The following IMPA2 variants were observed in gnomAD, a reference collection of about 807,000 sequenced individuals.
IMPA2 encodes the protein inositol monophosphatase 2.
IMPA2 carries 32 observed loss-of-function variants against 35.1 expected under a neutral mutation model. The observed-to-expected ratio is 0.91, with a 90% CI of 0.69 to 1.23. The LOEUF (loss-of-function observed/expected upper bound fraction) is 1.23. IMPA2 is among the 50% of genes most tolerant of loss of function. The probability of loss-of-function intolerance (pLI) is 0.00; values close to 1 mark genes in which losing one functional copy is unlikely to be tolerated. For synonymous variants in IMPA2, 135 were observed against 160.6 expected (o/e 0.84, Z 1.20); for missense variants, 334 against 387.6 (o/e 0.86, Z 1.16).
rs1271423239 is a variant in IMPA2 at position 11,991,945 on chromosome 18, G to A, written c.97-7109G>A. ...CGCAACCTCCACCTCCTGGGCTCACGCGTTTCTCCTACCTCAGCCCCCTGA... is the reference window on the plus strand; with the variant it reads ...CGCAACCTCCACCTCCTGGGCTCACACGTTTCTCCTACCTCAGCCCCCTGA... On this transcript the variant is annotated intron_variant, in intron 1 of 7. Transcript: ENST00000269159. The surrounding 1 kb of genome is among the most constrained non-coding windows in gnomAD (Gnocchi z 4.1). 6.6e-6 allele frequency among the ~76,000 whole-genome samples: 1 copy of A among 151,760 alleles called. No individual in the cohort carries two copies. Among genetic ancestry groups the A allele is most frequent in the Non-Finnish European group, 1.5e-5 (1 of 67,988 alleles).
At chr18:12,011,508 T>C (rs1186358840) in intron 3 of IMPA2, among the ~76,000 whole-genome samples, 4 of 152,232 alleles carry the variant, frequency 2.6e-5, no homozygotes, top group Non-Finnish European at 5.9e-5. Context: ...GTTGCATTTG[T>C]GTACAATTGG....
In IMPA2 at chr18:11,991,752, G is replaced by T. The variant is rs531428753; in HGVS notation, c.97-7302G>T. Among the ~76,000 whole-genome samples the T allele has an allele frequency of 5.5e-4, 84 of 152,250 alleles. No homozygotes were observed. Among genetic ancestry groups the T allele is most frequent in the African/African-American group, 2.0e-3 (83 of 41,550 alleles). Reference sequence around the variant, plus strand: ...GGGTCAGCCTTTTCATTCTGTTTGGGCCCTCAGCTGTTGGACAAGGCCTGC... The same window carrying T: ...GGGTCAGCCTTTTCATTCTGTTTGGTCCCTCAGCTGTTGGACAAGGCCTGC... On this transcript the variant is annotated intron_variant, in intron 1 of 7. Coordinates refer to ENST00000269159, the MANE Select transcript of IMPA2 (RefSeq NM_014214.3). The surrounding 1 kb of genome is among the most constrained non-coding windows in gnomAD (Gnocchi z 4.1).
chr18:12,010,591 C>T lies in IMPA2; in HGVS notation c.335+604C>T, dbSNP rs564643091. Reference sequence around the variant, plus strand: ...GTGATGGTGCTGCGCTGCCTGTCTACACGCACAGGTGGCTGGGGGCCTGGG... The same window carrying T: ...GTGATGGTGCTGCGCTGCCTGTCTATACGCACAGGTGGCTGGGGGCCTGGG... On this transcript the variant is annotated intron_variant, in intron 3 of 7. Transcript: ENST00000269159. The surrounding 1 kb of genome is among the most constrained non-coding windows in gnomAD (Gnocchi z 4.8). 5.7e-4 allele frequency among the ~76,000 whole-genome samples: 87 copies of T among 152,336 alleles called. No homozygotes were observed. Among genetic ancestry groups the T allele is most frequent in the African/African-American group, 2.0e-3 (84 of 41,582 alleles).
intron 1 of IMPA2, among the ~76,000 whole-genome samples, chr18:11,997,552 T>G (rs113967905): frequency 7.9e-5 from 12 of 152,248 alleles, no homozygotes; most frequent in African/African-American, 2.9e-4. Flanking sequence ...AGCTCTGGGA[T>G]GTAGGCAGTG....
intron 7 of IMPA2, among the ~76,000 whole-genome samples, 169 bp downstream of exon 7, chr18:12,029,162 G>A (rs1190094387): frequency 1.5e-5 from 2 of 137,718 alleles, no homozygotes; most frequent in African/African-American, 2.9e-5. Context: ...CACACAGGAT[G>A]GAGTGCAGTG....
At chr18:11,984,794 C>A (rs1197669899) in intron 1 of IMPA2, among the ~76,000 whole-genome samples, 4 of 150,628 alleles carry the variant, frequency 2.7e-5, no homozygotes, top group African/African-American at 9.7e-5. Flanking sequence ...GGTGAAACCT[C>A]GTCTCTACTA....
intron 2 of IMPA2, among the ~76,000 whole-genome samples, chr18:12,006,213 G>A (rs1393410635): frequency 2.0e-5 from 3 of 152,212 alleles, no homozygotes; most frequent in African/African-American, 7.2e-5. Context: ...GTCTCCTGCA[G>A]GCTGCTGTTG....
chr18:11,987,259 A>G (rs1476976703), intron 1 of IMPA2, among the ~76,000 whole-genome samples: 1 of 152,254 alleles, frequency 6.6e-6, no homozygotes, highest in Non-Finnish European at 1.5e-5. Context: ...CTGGAGTGGC[A>G]CAATGGGAAC....
At chr18:12,027,924 T>G in intron 5 of IMPA2, 119 bp from the exon 6 acceptor site, 1 of 661,300 alleles carries the variant, frequency 1.5e-6, no homozygotes, top group South Asian at 1.8e-5. Flanking sequence ...GCATTCAGCA[T>G]GAACCAGTCG....
intron 6 of IMPA2, 135 bp from the exon 7 acceptor site, chr18:12,028,707 A>G (rs934055713): frequency 2.9e-6 from 3 of 1,031,678 alleles, no homozygotes; most frequent in African/African-American, 3.2e-5. Flanking sequence ...CAGCCTCCAG[A>G]GCTTTGGCAG....
intron 1 of IMPA2, among the ~76,000 whole-genome samples, chr18:11,984,924 T>C (rs192483397): frequency 1.1e-4 from 16 of 143,596 alleles, no homozygotes; most frequent in African/African-American, 2.6e-4. Flanking sequence ...GTAGAGATCG[T>C]GCCACTGCAC....
intron 2 of IMPA2, among the ~76,000 whole-genome samples, chr18:12,003,596 A>G (rs1467132808): frequency 6.7e-6 from 1 of 148,332 alleles, no homozygotes; most frequent in Non-Finnish European, 1.5e-5. Flanking sequence ...GGTTGCAGTG[A>G]GCTGAGATTG....
At chr18:12,029,109 T>G (rs974930538) in intron 7 of IMPA2, 116 bp downstream of exon 7, 10 of 171,200 alleles carry the variant, frequency 5.8e-5, no homozygotes, top group African/African-American at 4.5e-4. Context: ...AGAGTTTCTG[T>G]TTTTTTTTTT....
chr18:12,020,679 T>C (rs993866327), intron 5 of IMPA2, among the ~76,000 whole-genome samples: 5 of 150,944 alleles, frequency 3.3e-5, no homozygotes, highest in Admixed American at 2.0e-4. Context: ...TTTCCTCTTT[T>C]TCACCCTCAA....
chr18:12,029,114 T>TTG, intron 7 of IMPA2, 121 bp downstream of exon 7: 2 of 836,240 alleles, frequency 2.4e-6, no homozygotes, highest in Non-Finnish European at 3.5e-6. Context: ...TTCTGTTTTT[T>TTG]TTTTTTTTTT....
intron 1 of IMPA2, among the ~76,000 whole-genome samples, chr18:11,988,639 TGAC>T (rs1906729781): frequency 6.6e-6 from 1 of 152,080 alleles, no homozygotes; most frequent in African/African-American, 2.4e-5. Flanking sequence ...GAGGCTGAGA[TGAC>T]AGCCTCTGAG....
In IMPA2 at chr18:12,030,777, A is replaced by G. The variant is rs1284035499; in HGVS notation, c.*319A>G. The G allele has an allele frequency of 3.3e-6, 1 of 303,646 alleles. No individual in the cohort carries two copies. The highest frequency in any genetic ancestry group is 6.2e-6 in the Non-Finnish European group (1 of 160,756). The allele number at this position is 303,646 out of a possible 1,614,324, so 18.8% of individuals were successfully genotyped here. A position where few individuals can be genotyped will look rare whatever the true frequency, so the allele number is the denominator to read the frequency against. Reference sequence around the variant, plus strand: ...CAATCTTGATTTTTCCCCCCAGAATATAAATCTCAGGTAATAAGGCTTTAG... The same window carrying G: ...CAATCTTGATTTTTCCCCCCAGAATGTAAATCTCAGGTAATAAGGCTTTAG... On this transcript the variant is annotated 3_prime_UTR_variant, in exon 8 of 8. Transcript: ENST00000269159.
intron 1 of IMPA2, among the ~76,000 whole-genome samples, chr18:11,986,348 C>T (rs1240097210): frequency 6.6e-6 from 1 of 152,164 alleles, no homozygotes; most frequent in Non-Finnish European, 1.5e-5. Flanking sequence ...GAGCCCGGCT[C>T]CTGAGCCCCT....
At chr18:12,022,838 G>A (rs1907771292) in intron 5 of IMPA2, among the ~76,000 whole-genome samples, 1 of 149,316 alleles carries the variant, frequency 6.7e-6, no homozygotes, top group African/African-American at 2.5e-5. Flanking sequence ...GCAGTGGCAC[G>A]ATCTTGGCTC....
Sources: allele counts gnomAD v4.1 joint callset (sites outside exome capture counted in the v4.1 genomes callset), GRCh38; gene constraint gnomAD v4.1.1; non-coding constraint Gnocchi (gnomAD v3.1); transcripts MANE v1.5; gene names NCBI Gene and HGNC (gene_info 2026-07-23, HGNC 2026-07-21).